SYNE1: variants seen among roughly 807,000 people sequenced by gnomAD.
SYNE1 encodes the protein spectrin repeat containing nuclear envelope protein 1, also known as nesprin-1.
Under a neutral mutation model 1,111.0 loss-of-function variants are expected in SYNE1, and 616 were observed. The ratio of observed to expected loss-of-function variants is 0.55; its 90% CI spans 0.52 to 0.59. SYNE1 has a LOEUF of 0.59. SYNE1 is among the 20% of genes least tolerant of loss of function. SYNE1 has a pLI of 0.00. For synonymous variants in SYNE1, 3,855 were observed against 3,825.8 expected, an observed-to-expected ratio of 1.01 and a Z score of -0.28; for missense variants, 10,006 against 10,417.0, an observed-to-expected ratio of 0.96 and a Z score of 1.72.
rs904849741 is a variant in SYNE1, at chr6:152,355,064, C to T, written c.10609-88G>A. The T allele has an allele frequency of 2.7e-5, 38 of 1,412,972 alleles. No homozygotes were observed. In the Middle Eastern group the frequency reaches 5.4e-4, roughly 20 times the overall value. The allele number at this position is 1,412,972 out of a possible 1,614,324, so 87.5% of individuals were successfully genotyped here. ...GTCTTGCCCAAGCCAACTGTGCCCA[C>T]TTGAACTTCTCATTAGAAAAAAATG... On this transcript the variant is annotated intron_variant, in intron 66 of 145. Transcript: ENST00000367255.
intron 65 of SYNE1, among the ~76,000 whole-genome samples, chr6:152,359,021 AC>A (rs1011826161): frequency 1.3e-5 from 2 of 152,188 alleles, no homozygotes; most frequent in Admixed American, 1.3e-4. Flanking sequence ...TCATCATCAG[AC>A]ATAATAAGGC....
chr6:152,243,009 T>C (rs1226143687), intron 106 of SYNE1, among the ~76,000 whole-genome samples: 1 of 152,140 alleles, frequency 6.6e-6, no homozygotes, highest in East Asian at 1.9e-4. Context: ...GATATGTCTA[T>C]AAAAAATAAG....
intron 105 of SYNE1, among the ~76,000 whole-genome samples, chr6:152,247,627 G>A (rs1215974040): frequency 6.6e-6 from 1 of 150,942 alleles, no homozygotes; most frequent in Non-Finnish European, 1.5e-5. Flanking sequence ...CACTTTGGGA[G>A]GCTGAGATGG....
intron 130 of SYNE1, among the ~76,000 whole-genome samples, chr6:152,172,331 G>A (rs1173836906): frequency 3.9e-5 from 6 of 152,082 alleles, no homozygotes; most frequent in South Asian, 2.1e-4. Context: ...TGAGTTATAC[G>A]GCATGTGGAT....
chr6:152,457,880 C>T (rs1350120215), intron 22 of SYNE1, among the ~76,000 whole-genome samples: 1 of 150,718 alleles, frequency 6.6e-6, no homozygotes, highest in East Asian at 1.9e-4. Context: ...AATGATTCTC[C>T]AAAAGAAAGT....
intron 3 of SYNE1, among the ~76,000 whole-genome samples, chr6:152,566,196 A>G (rs1240845951): frequency 6.6e-6 from 1 of 152,148 alleles, no homozygotes; most frequent in Non-Finnish European, 1.5e-5. Flanking sequence ...TGAAAAACCA[A>G]GGTTAAGCAT....
intron 76 of SYNE1, 53 bp downstream of exon 76, chr6:152,336,788 T>G (rs747739353): frequency 6.2e-7 from 1 of 1,601,086 alleles, no homozygotes; most frequent in East Asian, 2.2e-5. Flanking sequence ...ACATTTCAGG[T>G]TTTCTACTCT....
At chr6:152,372,023 C>A (rs1456245778) in intron 59 of SYNE1, among the ~76,000 whole-genome samples, 1 of 152,026 alleles carries the variant, frequency 6.6e-6, no homozygotes, top group Admixed American at 6.6e-5. Flanking sequence ...AGATAGATAC[C>A]TATTCTGAGG....
Position 152,268,165 on chromosome 6 carries a change from C to T in SYNE1, c.18706G>A (p.Glu6236Lys), listed in dbSNP as rs761999573. ...QRQSSLQQQK[E>K]LEQELAEQKS... The stretch of plus-strand genomic sequence containing the variant: ...TGCTCGGCTAATTCCTGTTCTAACT[C>T]CTGCTCAAGGGAAAGGACAAACGCA... The change falls in exon 100 of 146, where the codon GAG (glutamate) becomes AAG (lysine). Residue 6236 changes from glutamate to lysine, a missense_variant and splice_region_variant. By Grantham distance (56) the Glu-to-Lys change is moderately conservative. Coordinates refer to ENST00000367255, the MANE Select transcript of SYNE1 (RefSeq NM_182961.4). 1 of 1,613,070 alleles carries T rather than the reference C, an allele frequency of 6.2e-7. No individual in the cohort carries two copies. Among genetic ancestry groups the T allele is most frequent in the East Asian group, 2.2e-5 (1 of 44,866 alleles).
intron 29 of SYNE1, among the ~76,000 whole-genome samples, chr6:152,444,975 C>T (rs147608872): frequency 0.02 from 3,095 of 152,160 alleles, 55 homozygotes; most frequent in Admixed American, 0.047. Context: ...AAACACAGAT[C>T]TTTAACTTTT....
At chr6:152,187,249 T>C (rs2070435351) in intron 128 of SYNE1, among the ~76,000 whole-genome samples, 1 of 152,214 alleles carries the variant, frequency 6.6e-6, no homozygotes. Context: ...GAGTTTTCTG[T>C]TGGCCCACGG....
Position 152,430,477 on chromosome 6 carries a change from C to CT in SYNE1, c.4689+4dup. 2 of 1,612,758 alleles carry CT rather than the reference C, an allele frequency of 1.2e-6. No individual in the cohort carries two copies. The highest frequency in any genetic ancestry group is 1.7e-6 in the Non-Finnish European group (2 of 1,178,822). On this transcript the variant is annotated splice_donor_region_variant and intron_variant, in intron 35 of 145. Transcript: ENST00000367255. ...AAACTTAAGTATAGGTGGATCAATT[C>CT]TTACCTTTCTAAGGTTCTCTTCAAA...
intron 27 of SYNE1, 42 bp from the exon 28 acceptor site, chr6:152,449,683 C>A (rs756333623): frequency 1.6e-5 from 22 of 1,387,660 alleles, no homozygotes; most frequent in South Asian, 3.5e-5. Flanking sequence ...GGAGAACATA[C>A]CAGAATGATC....
intron 28 of SYNE1, 23 bp downstream of exon 28, chr6:152,449,510 G>C (rs17366321): frequency 6.4e-7 from 1 of 1,561,778 alleles, no homozygotes. Flanking sequence ...TTTTCCTCTA[G>C]CAAATAATGA....
At chr6:152,585,892 G>A (rs1025984355) in intron 3 of SYNE1, among the ~76,000 whole-genome samples, 3 of 152,076 alleles carry the variant, frequency 2.0e-5, no homozygotes, top group Non-Finnish European at 4.4e-5. Flanking sequence ...GCTTGAAATC[G>A]CATGTGTTTG....
At chr6:152,435,596 G>A (rs1045627688) in intron 33 of SYNE1, 7 of 290,622 alleles carry the variant, frequency 2.4e-5, no homozygotes, top group South Asian at 1.7e-4. Flanking sequence ...TCTAAATGGT[G>A]ACAGCAGAAT....
intron 97 of SYNE1, among the ~76,000 whole-genome samples, chr6:152,278,862 G>A (rs1009924909): frequency 6.6e-6 from 1 of 152,088 alleles, no homozygotes; most frequent in African/African-American, 2.4e-5. Flanking sequence ...CCATCTACTG[G>A]GTTCAAGGGA....
chr6:152,331,605 T>G lies in SYNE1; in HGVS notation c.13080A>C (p.Ala4360=), dbSNP rs560847876. The G allele has an allele frequency of 1.2e-6, 2 of 1,614,210 alleles. No individual in the cohort carries two copies. The highest frequency in any genetic ancestry group is 1.7e-6 in the Non-Finnish European group (2 of 1,180,034). ...CGGCGATGTTGGGTTGTTGCTCTTCTGCCCACTCCATTAGCTCCTGAAATC... is the reference window on the plus strand; with the variant it reads ...CGGCGATGTTGGGTTGTTGCTCTTCGGCCCACTCCATTAGCTCCTGAAATC... ...QSRFQELMEW[A]EEQQPNIAEA... The change falls in exon 78 of 146, where the codon GCA becomes GCC. Residue 4360 remains alanine (A), a synonymous_variant. Transcript: ENST00000367255.
intron 53 of SYNE1, among the ~76,000 whole-genome samples, 160 bp downstream of exon 53, chr6:152,390,120 T>A (rs2097584163): frequency 6.6e-6 from 1 of 152,032 alleles, no homozygotes; most frequent in African/African-American, 2.4e-5. Context: ...CAAAAACCAG[T>A]CATCGCCCTA....
Sources: allele counts gnomAD v4.1 joint callset (sites outside exome capture counted in the v4.1 genomes callset), GRCh38; gene constraint gnomAD v4.1.1; transcripts MANE v1.5; gene names NCBI Gene and HGNC (gene_info 2026-07-23, HGNC 2026-07-21).